Variants in CRPPA observed in about 807,000 individuals in gnomAD.
CRPPA encodes CDP-L-ribitol pyrophosphorylase A.
CRPPA carries 43 observed loss-of-function variants against 52.0 expected under a neutral mutation model. That is an observed-to-expected ratio of 0.83 (90% CI 0.65 to 1.07). The LOEUF is 1.07. Ranked by LOEUF, CRPPA falls within the 50% of genes least tolerant of loss-of-function variation. CRPPA has a pLI of 0.00. For synonymous variants in CRPPA, 250 were observed against 203.5 expected (o/e 1.23, Z -1.94); for missense variants, 629 against 551.7 (o/e 1.14, Z -1.40).
intron 2 of CRPPA, among the ~76,000 whole-genome samples, chr7:16,382,397 C>T (rs887986253): frequency 6.6e-6 from 1 of 152,192 alleles, no homozygotes; most frequent in African/African-American, 2.4e-5. Flanking sequence ...GCGGGTAACC[C>T]AACCTTTCTC....
At chr7:16,231,755 T>G (rs559328914) in intron 8 of CRPPA, among the ~76,000 whole-genome samples, 2 of 152,330 alleles carry the variant, frequency 1.3e-5, no homozygotes, top group East Asian at 1.9e-4. Flanking sequence ...GGGGGAGTAC[T>G]AGGGATGAAA....
intron 3 of CRPPA, among the ~76,000 whole-genome samples, chr7:16,330,274 G>C (rs1193928153): frequency 1.3e-5 from 2 of 152,166 alleles, no homozygotes; most frequent in Non-Finnish European, 2.9e-5. Flanking sequence ...GCAGAAATGA[G>C]TGGATTCCAT....
In CRPPA at chr7:16,089,804, T is replaced by G. The variant is rs1781797935; in HGVS notation, c.*1891A>C. ...AGATAAATTCTTGTCTGCTGTAGGA[T>G]TCCTTAAGCTGAAGTCTATGTTAAC... is the stretch of plus-strand genomic sequence containing the variant. On this transcript the variant is annotated 3_prime_UTR_variant, in exon 10 of 10. Transcript: ENST00000407010. 1 of 173,472 alleles carries G rather than the reference T, an allele frequency of 5.8e-6. No individual in the cohort carries two copies. 10.7% of individuals were successfully genotyped at this position (173,472 alleles called of 1,614,324 possible).
chr7:16,175,522 T>G (rs1207737633), intron 9 of CRPPA, among the ~76,000 whole-genome samples: 1 of 152,176 alleles, frequency 6.6e-6, no homozygotes, highest in East Asian at 1.9e-4. Flanking sequence ...CACACTCTTC[T>G]CCATCTTGTG....
At chr7:16,100,434 T>A (rs1782021216) in intron 9 of CRPPA, among the ~76,000 whole-genome samples, 1 of 152,346 alleles carries the variant, frequency 6.6e-6, no homozygotes, top group African/African-American at 2.4e-5. Context: ...CATAGTACTA[T>A]GTCCACAGTA....
intron 9 of CRPPA, among the ~76,000 whole-genome samples, chr7:16,104,992 C>A (rs1782122860): frequency 6.6e-6 from 1 of 151,796 alleles, no homozygotes; most frequent in South Asian, 2.1e-4. Flanking sequence ...AGAAGACAGA[C>A]TTGAAATGTC....
intron 9 of CRPPA, among the ~76,000 whole-genome samples, chr7:16,126,297 A>G (rs1782579825): frequency 6.6e-6 from 1 of 152,112 alleles, no homozygotes; most frequent in Admixed American, 6.6e-5. Flanking sequence ...CCAGAGAAAT[A>G]CCAGTGTCTT....
intron 9 of CRPPA, among the ~76,000 whole-genome samples, chr7:16,173,249 C>T (rs975392665): frequency 3.9e-5 from 6 of 152,128 alleles, no homozygotes; most frequent in Non-Finnish European, 7.4e-5. Context: ...TAATCAAGTG[C>T]CATATCTACC....
At chr7:16,118,154 A>G (rs1473645733) in intron 9 of CRPPA, among the ~76,000 whole-genome samples, 2 of 152,164 alleles carry the variant, frequency 1.3e-5, no homozygotes, top group East Asian at 1.9e-4. Flanking sequence ...CCACTGTTCT[A>G]TATCAACTCT....
At chr7:16,302,113 G>A (rs1471621153) in intron 4 of CRPPA, among the ~76,000 whole-genome samples, 1 of 151,922 alleles carries the variant, frequency 6.6e-6, no homozygotes, top group Non-Finnish European at 1.5e-5. Context: ...TAGATAACAC[G>A]GTGAAACCCC....
chr7:16,302,751 G>C (rs1435606771), intron 4 of CRPPA, among the ~76,000 whole-genome samples: 1 of 152,150 alleles, frequency 6.6e-6, no homozygotes, highest in Non-Finnish European at 1.5e-5. Context: ...CTCTTCTTCA[G>C]GTGGCCCCTG....
chr7:16,209,273 CTTTTTTT>C, intron 9 of CRPPA: 1 of 121,200 alleles, frequency 8.3e-6, no homozygotes, highest in South Asian at 1.2e-4. Context: ...TTCTAAGTGT[CTTTTTTT>C]TTTTTTTTTT....
chr7:16,115,949 T>C (rs190499482), intron 9 of CRPPA, among the ~76,000 whole-genome samples: 1 of 152,286 alleles, frequency 6.6e-6, no homozygotes, highest in East Asian at 1.9e-4. Context: ...TTCCAATTAA[T>C]ACATTTGGAA....
intron 4 of CRPPA, among the ~76,000 whole-genome samples, chr7:16,302,934 G>T (rs913943053): frequency 2.6e-5 from 4 of 152,116 alleles, no homozygotes; most frequent in African/African-American, 7.2e-5. Flanking sequence ...CTCATTGTCA[G>T]GGTGTTGGGT....
At chr7:16,158,167 A>G (rs1783226877) in intron 9 of CRPPA, among the ~76,000 whole-genome samples, 1 of 151,762 alleles carries the variant, frequency 6.6e-6, no homozygotes, top group African/African-American at 2.4e-5. Flanking sequence ...TACAGGCGTG[A>G]GCCACCGTGC....
At position 16,090,795 on chromosome 7, in the gene CRPPA, C is replaced by A. The variant is rs1276355542; in HGVS notation, c.*900G>T. 6.6e-6 allele frequency: 1 copy of A among 151,764 alleles called. No individual in the cohort carries two copies. Among genetic ancestry groups the A allele is most frequent in the African/African-American group, 2.4e-5 (1 of 41,310 alleles). 9.4% of individuals were successfully genotyped at this position (151,764 alleles called of 1,614,324 possible). ...TCACCTCTAATGAATTAAAGGACAC[C>A]CATAATTATAACATGCAAGGGAAAA... is the stretch of plus-strand genomic sequence containing the variant. On this transcript the variant is annotated 3_prime_UTR_variant, in exon 10 of 10. Coordinates refer to ENST00000407010, the MANE Select transcript of CRPPA (RefSeq NM_001101426.4).
intron 1 of CRPPA, among the ~76,000 whole-genome samples, chr7:16,410,424 G>A (rs10261299): frequency 0.2 from 30,855 of 152,142 alleles, 4,922 homozygotes; most frequent in African/African-American, 0.44. Flanking sequence ...CAAGTGGTGA[G>A]TGACAGTTCT....
intron 9 of CRPPA, among the ~76,000 whole-genome samples, chr7:16,210,869 G>A (rs183035163): frequency 2.4e-3 from 361 of 152,008 alleles, no homozygotes; most frequent in Non-Finnish European, 3.4e-3. Context: ...AAAGATCTGG[G>A]TGCAAACATA....
chr7:16,212,774 C>T (rs570911872), intron 9 of CRPPA, among the ~76,000 whole-genome samples: 3 of 152,234 alleles, frequency 2.0e-5, no homozygotes, highest in South Asian at 2.1e-4. Context: ...AAATGAAGAA[C>T]CTGGGGCCTA....
Sources: allele counts gnomAD v4.1 joint callset (sites outside exome capture counted in the v4.1 genomes callset), GRCh38; gene constraint gnomAD v4.1.1; transcripts MANE v1.5; gene names NCBI Gene and HGNC (gene_info 2026-07-23, HGNC 2026-07-21).